SFXN5: variants seen among roughly 807,000 people sequenced by gnomAD.
SFXN5 encodes sideroflexin 5, also known as sideroflexin-5.
SFXN5 carries 43 observed loss-of-function variants against 50.2 expected under a neutral mutation model. That is an observed-to-expected ratio of 0.86 (90% CI 0.67 to 1.11). The LOEUF (loss-of-function observed/expected upper bound fraction) is 1.11. Ranked by LOEUF, SFXN5 falls within the 50% of genes least tolerant of loss-of-function variation. SFXN5 has a pLI of 0.00. For missense variants in SFXN5, 463 were observed against 454.1 expected (o/e 1.02, Z -0.18); for synonymous variants, 203 against 185.8 (o/e 1.09, Z -0.75).
At chr2:73,062,102 G>A (rs535461642) in intron 1 of SFXN5, among the ~76,000 whole-genome samples, 1 of 152,336 alleles carries the variant, frequency 6.6e-6, no homozygotes, top group South Asian at 2.1e-4. Flanking sequence ...GGGTGACAGA[G>A]TGAGAGCCTG....
intron 2 of SFXN5, among the ~76,000 whole-genome samples, chr2:73,046,644 C>A (rs1048692065): frequency 6.6e-6 from 1 of 151,764 alleles, no homozygotes; most frequent in African/African-American, 2.4e-5. Context: ...TGCCACTGCA[C>A]CCCAAAAACT....
chr2:73,047,371 A>T (rs1426875376), intron 2 of SFXN5, among the ~76,000 whole-genome samples: 1 of 144,536 alleles, frequency 6.9e-6, no homozygotes, highest in Non-Finnish European at 1.5e-5. Context: ...ATGTATATAT[A>T]TGTATATATA....
chr2:73,071,574 C>T (rs778697764), intron 1 of SFXN5, 30 bp downstream of exon 1: 10 of 1,602,656 alleles, frequency 6.2e-6, no homozygotes, highest in South Asian at 5.6e-5. Flanking sequence ...TTGCCACCCG[C>T]CGGCCCGCAG....
Position 73,039,101 on chromosome 2 carries a change from T to C in SFXN5, c.249+1753A>G, listed in dbSNP as rs556455540. Among the ~76,000 whole-genome samples, 3 of 152,316 alleles carry C rather than the reference T, an allele frequency of 2.0e-5. No homozygotes were observed. The East Asian group carries it at 5.8e-4, about 29-fold the overall frequency. On this transcript the variant is annotated intron_variant, in intron 3 of 13. Transcript: ENST00000272433. ...TACCACTATGCCCGGCTAATTTTTG[T>C]ATTTTTAGTGGAGACAGGGTTTCTT...
intron 4 of SFXN5, 49 bp from the exon 5 acceptor site, chr2:73,022,625 G>C (rs1482277090): frequency 1.4e-6 from 1 of 740,112 alleles, no homozygotes; most frequent in Non-Finnish European, 2.4e-6. Context: ...GGTGTAGGGA[G>C]GGGGAAGGGG....
intron 3 of SFXN5, among the ~76,000 whole-genome samples, chr2:73,039,971 C>G (rs928657522): frequency 6.6e-6 from 1 of 151,824 alleles, no homozygotes; most frequent in Non-Finnish European, 1.5e-5. Context: ...CCACCATGCC[C>G]GGCTGATTTT....
At chr2:72,998,895 C>T (rs1447670802) in intron 9 of SFXN5, 54 bp downstream of exon 9, 39 of 1,583,434 alleles carry the variant, frequency 2.5e-5, no homozygotes, top group Middle Eastern at 3.4e-4. Context: ...CAATGCTGAG[C>T]GGGGTGGCCC....
At chr2:73,012,397 A>T (rs1412893706) in intron 6 of SFXN5, among the ~76,000 whole-genome samples, 2 of 152,116 alleles carry the variant, frequency 1.3e-5, no homozygotes, top group Non-Finnish European at 2.9e-5. Context: ...TATTACTTGT[A>T]TAATTTTATA....
chr2:73,013,422 T>TGC (rs1438838185), intron 6 of SFXN5, among the ~76,000 whole-genome samples: 1 of 151,712 alleles, frequency 6.6e-6, no homozygotes, highest in Non-Finnish European at 1.5e-5. Context: ...TGTGTGTGTG[T>TGC]GTGTGTGTGT....
At chr2:73,049,867 C>T (rs185917294) in intron 2 of SFXN5, 10 of 151,732 alleles carry the variant, frequency 6.6e-5, no homozygotes, top group Non-Finnish European at 1.3e-4. Context: ...AGGTGTGATT[C>T]ATCCTGAGGC....
At chr2:73,000,344 C>T (rs145404872) in intron 8 of SFXN5, 87 bp downstream of exon 8, 41 of 1,319,004 alleles carry the variant, frequency 3.1e-5, no homozygotes, top group Non-Finnish European at 4.3e-5. Context: ...GAGGCAGCCA[C>T]TGATGGTGGC....
chr2:73,066,726 A>T (rs1187641887), intron 1 of SFXN5, among the ~76,000 whole-genome samples: 1 of 151,244 alleles, frequency 6.6e-6, no homozygotes, highest in Non-Finnish European at 1.5e-5. Context: ...TGGGCCAGGC[A>T]TGGTGGCTCA....
At position 72,942,732 on chromosome 2, in the gene SFXN5, T is replaced by A. The variant is rs1251991447; in HGVS notation, c.*2290A>T. The A allele has an allele frequency of 6.6e-6, 1 of 152,330 alleles. No individual in the cohort carries two copies. The highest frequency in any genetic ancestry group is 1.5e-5 in the Non-Finnish European group (1 of 68,138). The allele number at this position is 152,330 out of a possible 1,614,324, so 9.4% of individuals were successfully genotyped here. On this transcript the variant is annotated 3_prime_UTR_variant, in exon 14 of 14. Coordinates refer to ENST00000272433, the MANE Select transcript of SFXN5 (RefSeq NM_144579.3). ...CTGCACCGCCACAGGAGCAGACCCC[T>A]TGGCTCACCTGAAGCTGCATTTGGG...
intron 5 of SFXN5, among the ~76,000 whole-genome samples, chr2:73,021,710 GGCA>G (rs985665435): frequency 1.1e-4 from 16 of 152,148 alleles, no homozygotes; most frequent in African/African-American, 3.6e-4. Context: ...GCCTTCCCAA[GGCA>G]GCAGCAGCAG....
intron 6 of SFXN5, among the ~76,000 whole-genome samples, chr2:73,017,403 A>G (rs1408765572): frequency 6.6e-6 from 1 of 152,232 alleles, no homozygotes; most frequent in Non-Finnish European, 1.5e-5. Flanking sequence ...ATGCCAACAG[A>G]AATCAGTTAA....
At chr2:73,001,451 C>G (rs1202875009) in intron 7 of SFXN5, 74 bp downstream of exon 7, 3 of 1,519,622 alleles carry the variant, frequency 2.0e-6, no homozygotes, top group Non-Finnish European at 2.7e-6. Flanking sequence ...CAGGAGACAC[C>G]ACAGCAGGGA....
At position 72,950,791 on chromosome 2, in the gene SFXN5, C is replaced by T. The variant is rs750291701; in HGVS notation, c.946-5692G>A. ...TCCTGCTGCCCAACCAACTCCACCC[C>T]GCAGAAGGCCAGAGCCCCAGGGCAG... On this transcript the variant is annotated intron_variant, in intron 13 of 13. Coordinates refer to ENST00000272433, the MANE Select transcript of SFXN5 (RefSeq NM_144579.3). The surrounding 1 kb of genome is among the most constrained non-coding windows in gnomAD (Gnocchi z 4.2). 1.3e-5 allele frequency among the ~76,000 whole-genome samples: 2 copies of T among 152,254 alleles called. No homozygotes were observed. Among genetic ancestry groups the T allele is most frequent in the Non-Finnish European group, 2.9e-5 (2 of 68,052 alleles).
At chr2:73,069,263 G>A (rs1417121293) in intron 1 of SFXN5, among the ~76,000 whole-genome samples, 3 of 152,212 alleles carry the variant, frequency 2.0e-5, no homozygotes, top group African/African-American at 7.2e-5. Flanking sequence ...AGGGAGACCT[G>A]TTGTGAGGCT....
chr2:73,010,059 A>G (rs903755115), intron 6 of SFXN5, among the ~76,000 whole-genome samples: 3 of 152,220 alleles, frequency 2.0e-5, no homozygotes, highest in African/African-American at 7.2e-5. Flanking sequence ...CAAAGTGATG[A>G]TACCACCAAA....
Sources: allele counts gnomAD v4.1 joint callset (sites outside exome capture counted in the v4.1 genomes callset), GRCh38; gene constraint gnomAD v4.1.1; non-coding constraint Gnocchi (gnomAD v3.1); transcripts MANE v1.5; gene names NCBI Gene and HGNC (gene_info 2026-07-23, HGNC 2026-07-21).